The following CRYM variants were observed in gnomAD, a reference collection of about 807,000 sequenced individuals.
CRYM encodes the protein crystallin mu.
A neutral mutation model predicts 32.9 loss-of-function variants in CRYM; 18 were observed. That is an observed-to-expected ratio of 0.55 (90% CI 0.38 to 0.81). The LOEUF is 0.81. CRYM is among the 30% of genes least tolerant of loss of function. CRYM has a pLI of 0.00. For synonymous variants in CRYM, 153 were observed against 152.4 expected (o/e 1.00, Z -0.03); for missense variants, 337 against 393.5 (o/e 0.86, Z 1.21).
intron 1 of CRYM, among the ~76,000 whole-genome samples, chr16:21,295,871 G>A (rs1960777834): frequency 1.3e-5 from 2 of 152,010 alleles, no homozygotes; most frequent in Non-Finnish European, 2.9e-5. Context: ...GATGGAGGCT[G>A]CAGTGAGCCG....
At chr16:21,279,361 G>A (rs1205357215), upstream of CRYM, among the ~76,000 whole-genome samples, 1 of 152,178 alleles carries the variant, frequency 6.6e-6, no homozygotes, top group African/African-American at 2.4e-5. Context: ...TTTGCCCATG[G>A]TTGGACTTCA....
At chr16:21,266,985 C>T (rs377592032) in intron 5 of CRYM, among the ~76,000 whole-genome samples, 4 of 151,630 alleles carry the variant, frequency 2.6e-5, no homozygotes, top group South Asian at 2.1e-4. Flanking sequence ...CCAGCCTGAG[C>T]GACAGAGTGA....
intron 1 of CRYM, chr16:21,283,775 ACCCCGGTCTG>A (rs1340445601): frequency 6.7e-6 from 1 of 150,370 alleles, no homozygotes; most frequent in African/African-American, 2.5e-5. Flanking sequence ...CCACACTCCC[ACCCCGGTCTG>A]CCCCGGGCGC....
At chr16:21,291,105 C>T (rs888454750) in intron 1 of CRYM, among the ~76,000 whole-genome samples, 2 of 152,252 alleles carry the variant, frequency 1.3e-5, no homozygotes, top group East Asian at 1.9e-4. Flanking sequence ...ATTTTATCAA[C>T]TTGGGAGACT....
upstream of CRYM, among the ~76,000 whole-genome samples, chr16:21,281,783 C>T (rs2093398637): frequency 6.6e-6 from 1 of 152,162 alleles, no homozygotes; most frequent in Non-Finnish European, 1.5e-5. Flanking sequence ...AATGCTGCAA[C>T]CACCCCAAAA....
chr16:21,302,287 A>G (rs548267151), intron 1 of CRYM, among the ~76,000 whole-genome samples: 8 of 152,192 alleles, frequency 5.3e-5, no homozygotes, highest in Non-Finnish European at 1.0e-4. Context: ...TCTGAAAATA[A>G]CTATAAGAGG....
chr16:21,286,141 A>T (rs2093406731), intron 1 of CRYM, among the ~76,000 whole-genome samples: 1 of 152,204 alleles, frequency 6.6e-6, no homozygotes, highest in Admixed American at 6.5e-5. Flanking sequence ...CTGATTATAA[A>T]CCACTTTTTG....
At position 21,267,576 on chromosome 16, in the gene CRYM, C is replaced by T. The variant is rs1172406314; in HGVS notation, c.651G>A (p.Val217=). The change falls in exon 5 of 8, where the codon GTG becomes GTA. Residue 217 remains valine, a synonymous_variant. Transcript: ENST00000572914. Reference sequence around the variant, plus strand: ...TACCATTGATGTGAGCCCCTGGCTTCACCCATTCACCAAACAAAATGGGCT... The same window carrying T: ...TACCATTGATGTGAGCCCCTGGCTTTACCCATTCACCAAACAAAATGGGCT... ...ATEPILFGEW[V]KPGAHINAVG... 6.2e-7 allele frequency: 1 copy of T among 1,613,880 alleles called. No homozygotes were observed. Among genetic ancestry groups the T allele is most frequent in the African/African-American group, 1.3e-5 (1 of 74,920 alleles).
intron 3 of CRYM, among the ~76,000 whole-genome samples, chr16:21,271,179 T>C (rs1260281089): frequency 2.0e-5 from 3 of 152,160 alleles, no homozygotes; most frequent in Non-Finnish European, 4.4e-5. Context: ...CTGGTTTCTA[T>C]CCATTAGATG....
chr16:21,293,664 A>C (rs1466771904), intron 1 of CRYM, among the ~76,000 whole-genome samples: 1 of 152,230 alleles, frequency 6.6e-6, no homozygotes, highest in Non-Finnish European at 1.5e-5. Flanking sequence ...CATGTCCAGC[A>C]TAATTTAACT....
chr16:21,291,928 T>C (rs1960666998), intron 1 of CRYM, among the ~76,000 whole-genome samples: 1 of 152,156 alleles, frequency 6.6e-6, no homozygotes, highest in African/African-American at 2.4e-5. Flanking sequence ...GAAGTTAAAT[T>C]TATCATTTTT....
chr16:21,283,935 G>A (rs937708404), intron 1 of CRYM: 2 of 152,972 alleles, frequency 1.3e-5, no homozygotes, highest in Admixed American at 6.5e-5. Flanking sequence ...CGCGCACCCC[G>A]CAGCGGCGGA....
chr16:21,296,976 C>T (rs542445178), intron 1 of CRYM, among the ~76,000 whole-genome samples: 22 of 151,986 alleles, frequency 1.4e-4, no homozygotes, highest in Non-Finnish European at 2.8e-4. Flanking sequence ...GCCACCGACT[C>T]CAGCCTGGGC....
At chr16:21,270,086 T>C (rs1370790619) in intron 3 of CRYM, among the ~76,000 whole-genome samples, 195 bp from the exon 4 acceptor site, 1 of 152,164 alleles carries the variant, frequency 6.6e-6, no homozygotes, top group Non-Finnish European at 1.5e-5. Context: ...AAGGCTTCAC[T>C]GAACAGCTAA....
intron 1 of CRYM, chr16:21,300,849 G>C (rs1793463297): frequency 6.6e-6 from 1 of 152,502 alleles, no homozygotes; most frequent in East Asian, 1.9e-4. Flanking sequence ...CACTGGATGC[G>C]AGAATTGGGG....
intron 1 of CRYM, among the ~76,000 whole-genome samples, chr16:21,287,297 A>G (rs568443657): frequency 2.0e-5 from 3 of 152,306 alleles, no homozygotes; most frequent in African/African-American, 7.2e-5. Flanking sequence ...TGTTTTCCAA[A>G]CAACCATAAG....
In CRYM at chr16:21,272,426, C is replaced by G. The variant is rs373343197; in HGVS notation, c.388-2535G>C. Among the ~76,000 whole-genome samples the G allele has an allele frequency of 4.6e-5, 7 of 152,258 alleles. No homozygotes were observed. The East Asian group carries it at 9.6e-4, about 21-fold the overall frequency. ...CCATACTGGCTTCCTTGCAGCTTCC[C>G]AAGCTCATGTACTTCCTTCAACCAC... On this transcript the variant is annotated intron_variant, in intron 3 of 7. Transcript: ENST00000572914.
chr16:21,301,623 G>A (rs1960937486), intron 1 of CRYM, among the ~76,000 whole-genome samples: 1 of 152,224 alleles, frequency 6.6e-6, no homozygotes, highest in Admixed American at 6.5e-5. Flanking sequence ...GAGGGACTGA[G>A]GAGGTTCTTG....
chr16:21,271,073 G>C (rs1330856408), intron 3 of CRYM, among the ~76,000 whole-genome samples: 1 of 152,122 alleles, frequency 6.6e-6, no homozygotes, highest in Admixed American at 6.5e-5. Flanking sequence ...GGTAGCACTG[G>C]GCTTCTCAAC....
Sources: gnomAD v4.1 joint callset for allele counts (sites outside exome capture counted in the v4.1 genomes callset) on GRCh38, gnomAD v4.1.1 for gene constraint, MANE v1.5 for transcripts, NCBI Gene and HGNC (gene_info 2026-07-23, HGNC 2026-07-21) for gene names.